SLCO6A1: variants seen among roughly 807,000 people sequenced by gnomAD.
SLCO6A1 encodes the protein cancer/testis antigen 48.
A neutral mutation model predicts 72.7 loss-of-function variants in SLCO6A1; 65 were observed. That is an observed-to-expected ratio of 0.89 (90% confidence interval 0.73 to 1.10). SLCO6A1 has a LOEUF of 1.10. SLCO6A1 is among the 50% of genes least tolerant of loss of function. The pLI is 0.00. For synonymous variants in SLCO6A1, 314 were observed against 298.2 expected (o/e 1.05, Z -0.55); for missense variants, 874 against 872.6 (o/e 1.00, Z -0.02).
intron 7 of SLCO6A1, among the ~76,000 whole-genome samples, chr5:102,427,862 ATATTTTTTTT>A (rs1363624573): frequency 1.8e-3 from 182 of 103,358 alleles, no homozygotes; most frequent in Middle Eastern, 4.8e-3. Context: ...ATATATATAT[ATATTTTTTTT>A]TTTTTTTTTT....
At chr5:102,383,094 GAA>G (rs1491262849) in intron 12 of SLCO6A1, among the ~76,000 whole-genome samples, 12,201 of 140,826 alleles carry the variant, frequency 0.087, 927 homozygotes, top group African/African-American at 0.12. Flanking sequence ...ATATGTGTGT[GAA>G]TATATATATA....
At chr5:102,415,572 G>A (rs1211387678) in intron 8 of SLCO6A1, among the ~76,000 whole-genome samples, 1 of 152,180 alleles carries the variant, frequency 6.6e-6, no homozygotes, top group East Asian at 1.9e-4. Context: ...ATGGATTAAA[G>A]ACTTAAATAT....
intron 4 of SLCO6A1, among the ~76,000 whole-genome samples, chr5:102,471,379 A>G (rs1353587238): frequency 6.6e-6 from 1 of 152,088 alleles, no homozygotes; most frequent in African/African-American, 2.4e-5. Flanking sequence ...TTAATACAGG[A>G]CAGCCTGAAA....
chr5:102,449,514 G>GCTACT (rs750647209), intron 6 of SLCO6A1, among the ~76,000 whole-genome samples: 164 of 152,028 alleles, frequency 1.1e-3, no homozygotes, highest in Non-Finnish European at 2.0e-3. Flanking sequence ...AGCCTCCCAA[G>GCTACT]TAGCTGAGAC....
At chr5:102,385,435 T>G (rs924157136) in intron 12 of SLCO6A1, among the ~76,000 whole-genome samples, 1 of 152,198 alleles carries the variant, frequency 6.6e-6, no homozygotes, top group Non-Finnish European at 1.5e-5. Flanking sequence ...ACTCTCATAA[T>G]GCATAGATTG....
At chr5:102,474,872 T>C (rs1466420138) in intron 4 of SLCO6A1, among the ~76,000 whole-genome samples, 1 of 151,898 alleles carries the variant, frequency 6.6e-6, no homozygotes, top group African/African-American at 2.4e-5. Flanking sequence ...TCACCTTGGA[T>C]CCATTAGGAT....
intron 11 of SLCO6A1, among the ~76,000 whole-genome samples, chr5:102,390,729 TTCAAA>T (rs1746708360): frequency 6.6e-6 from 1 of 152,144 alleles, no homozygotes; most frequent in Non-Finnish European, 1.5e-5. Context: ...ATTACTATAT[TTCAAA>T]TCAAATTTGT....
intron 12 of SLCO6A1, among the ~76,000 whole-genome samples, chr5:102,376,736 A>C (rs141969257): frequency 4.1e-4 from 62 of 152,330 alleles, no homozygotes; most frequent in Non-Finnish European, 8.8e-4. Context: ...CTAGGTGTAC[A>C]TGAATAATTC....
At chr5:102,453,749 C>G (rs1329898461) in intron 6 of SLCO6A1, among the ~76,000 whole-genome samples, 3 of 152,170 alleles carry the variant, frequency 2.0e-5, no homozygotes, top group African/African-American at 7.2e-5. Context: ...TCCCAGGAGT[C>G]ACCCTGGGTC....
At position 102,373,413 on chromosome 5, in the gene SLCO6A1, T is replaced by A. The variant is rs1750735043; in HGVS notation, c.2099A>T (p.Asp700Val). ...IYKRRLNENT[D>V]FPDVTVKNPK... ...ATTCTTCACAGTTACATCTGGGAAG[T>A]CAGTGTTCTCATTTAGACGACGTTT... The change falls in exon 13 of 14, where the codon GAC becomes GTC. Residue 700 changes from aspartate to valine, a missense_variant. Transcript: ENST00000506729. 2.5e-6 allele frequency: 4 copies of A among 1,583,440 alleles called. No homozygotes were observed. The highest frequency in any genetic ancestry group is 3.4e-6 in the Non-Finnish European group (4 of 1,167,240).
chr5:102,437,975 TA>T, intron 7 of SLCO6A1, among the ~76,000 whole-genome samples: 1 of 152,258 alleles, frequency 6.6e-6, no homozygotes, highest in African/African-American at 2.4e-5. Flanking sequence ...CAATATCTCA[TA>T]AAATTGTAAA....
intron 7 of SLCO6A1, among the ~76,000 whole-genome samples, chr5:102,438,218 C>T (rs2112678411): frequency 6.6e-6 from 1 of 151,846 alleles, no homozygotes; most frequent in Non-Finnish European, 1.5e-5. Flanking sequence ...TAGATCAACA[C>T]AAATCTAAAG....
chr5:102,452,273 A>G (rs1364820983), intron 6 of SLCO6A1, among the ~76,000 whole-genome samples: 1 of 152,236 alleles, frequency 6.6e-6, no homozygotes, highest in Admixed American at 6.5e-5. Flanking sequence ...TTTCCTCTAT[A>G]AAATATTATT....
At chr5:102,457,265 A>T (rs1750773565) in intron 6 of SLCO6A1, among the ~76,000 whole-genome samples, 1 of 128,174 alleles carries the variant, frequency 7.8e-6, no homozygotes, top group African/African-American at 3.0e-5. Flanking sequence ...ATCTAATTAA[A>T]CTAAAGAGCT....
Position 102,498,784 on chromosome 5 carries a change from G to T in SLCO6A1, c.61C>A (p.Pro21Thr), listed in dbSNP as rs138515268. ...SQDEVSRGVE[P>T]LEAARAQPAK... is the part of the protein sequence containing the mutation. ...GGCTGGGCCCGCGCGGCCTCCAGCG[G>T]CTCTACTCCCCTTGAGACTTCATCC... is the stretch of plus-strand genomic sequence containing the variant. The change falls in exon 1 of 14, where the codon CCG becomes ACG. Residue 21 changes from proline (P) to threonine (T), a missense_variant. Physicochemically the swap from Pro to Thr is conservative, Grantham distance 38 (BLOSUM62 -1). Coordinates refer to ENST00000506729, the MANE Select transcript of SLCO6A1 (RefSeq NM_173488.5). 487 of 1,614,004 alleles carry T rather than the reference G, an allele frequency of 3.0e-4. No individual in the cohort carries two copies. Among genetic ancestry groups the T allele is most frequent in the Non-Finnish European group, 4.0e-4 (477 of 1,180,024 alleles).
At chr5:102,451,992 A>G (rs930498112) in intron 6 of SLCO6A1, among the ~76,000 whole-genome samples, 2 of 152,224 alleles carry the variant, frequency 1.3e-5, no homozygotes, top group Non-Finnish European at 2.9e-5. Context: ...TTAACTACCA[A>G]TAGGAAGATG....
rs530588141 is a variant in SLCO6A1, at chr5:102,456,552, GA to G, written c.1131+1829del. Among the ~76,000 whole-genome samples the G allele has an allele frequency of 2.1e-3, 313 of 152,284 alleles. 2 individuals are homozygous for G. The highest frequency in any genetic ancestry group is 7.2e-3 in the African/African-American group (297 of 41,536). On this transcript the variant is annotated intron_variant, in intron 6 of 13. Coordinates refer to ENST00000506729, the MANE Select transcript of SLCO6A1 (RefSeq NM_173488.5). ...TAGGAATCCAACTTACGAGGGTTGT[GA>G]AGAACCTCTTCAAGGAGAACTACAA...
At chr5:102,461,872 C>T (rs1012181757) in intron 4 of SLCO6A1, among the ~76,000 whole-genome samples, 1 of 151,862 alleles carries the variant, frequency 6.6e-6, no homozygotes, top group East Asian at 1.9e-4. Context: ...CTTGTCCTAG[C>T]CAGAGCAATT....
intron 6 of SLCO6A1, among the ~76,000 whole-genome samples, chr5:102,441,439 C>T (rs1253128220): frequency 6.6e-6 from 1 of 152,122 alleles, no homozygotes; most frequent in Non-Finnish European, 1.5e-5. Context: ...TAATCTATAT[C>T]AAGGAAATGC....
Sources: allele counts gnomAD v4.1 joint callset (sites outside exome capture counted in the v4.1 genomes callset), GRCh38; gene constraint gnomAD v4.1.1; transcripts MANE v1.5; gene names NCBI Gene and HGNC (gene_info 2026-07-23, HGNC 2026-07-21).